L3MBTL4: variants seen among roughly 807,000 people sequenced by gnomAD.
L3MBTL4 encodes L3MBTL histone methyl-lysine binding protein 4, also known as lethal(3)malignant brain tumor-like protein 4.
L3MBTL4 carries 70 observed loss-of-function variants against 84.5 expected under a neutral mutation model. The observed-to-expected ratio is 0.83, with a 90% confidence interval of 0.68 to 1.01. The LOEUF (loss-of-function observed/expected upper bound fraction) is 1.01. Ranked by LOEUF, L3MBTL4 falls within the 50% of genes least tolerant of loss-of-function variation. L3MBTL4 has a pLI of 0.00. For missense variants in L3MBTL4, 715 were observed against 754.8 expected, an observed-to-expected ratio of 0.95 and a Z score of 0.62; for synonymous variants, 274 against 259.8, an observed-to-expected ratio of 1.05 and a Z score of -0.52.
chr18:6,306,606 T>C (rs551822928), intron 3 of L3MBTL4, among the ~76,000 whole-genome samples: 2 of 152,322 alleles, frequency 1.3e-5, no homozygotes, highest in East Asian at 1.9e-4. Flanking sequence ...TCTGCAAAAG[T>C]TGAGTTCAAC....
intron 18 of L3MBTL4, among the ~76,000 whole-genome samples, chr18:5,958,551 C>T (rs927339399): frequency 6.6e-6 from 1 of 152,128 alleles, no homozygotes; most frequent in Non-Finnish European, 1.5e-5. Flanking sequence ...GGGTTTGATC[C>T]TCCTGATAAC....
At chr18:6,169,123 A>T (rs1391151839) in intron 13 of L3MBTL4, among the ~76,000 whole-genome samples, 1 of 152,234 alleles carries the variant, frequency 6.6e-6, no homozygotes, top group Non-Finnish European at 1.5e-5. Flanking sequence ...TCAAAACCAC[A>T]ATGAGATACC....
chr18:5,990,502 A>C (rs2053641332), intron 16 of L3MBTL4, among the ~76,000 whole-genome samples: 1 of 152,184 alleles, frequency 6.6e-6, no homozygotes, highest in African/African-American at 2.4e-5. Context: ...TTCACCTCCA[A>C]ACAAATGGAA....
chr18:6,346,755 A>T (rs78889658), intron 1 of L3MBTL4, among the ~76,000 whole-genome samples: 2,312 of 152,198 alleles, frequency 0.015, 58 homozygotes, highest in African/African-American at 0.053. Context: ...GGAATGTATG[A>T]AAAGCAGCAT....
intron 6 of L3MBTL4, among the ~76,000 whole-genome samples, chr18:6,243,871 A>G (rs997111560): frequency 6.6e-5 from 10 of 152,214 alleles, no homozygotes; most frequent in Non-Finnish European, 1.5e-5. Flanking sequence ...TATCCAGCAC[A>G]CTCAATAAAG....
chr18:6,246,154 T>G (rs979686300), intron 5 of L3MBTL4, among the ~76,000 whole-genome samples: 3 of 152,194 alleles, frequency 2.0e-5, no homozygotes, highest in African/African-American at 7.2e-5. Flanking sequence ...ATCACACAGT[T>G]TTATTTGCTT....
At chr18:6,359,213 A>G (rs2053573129) in intron 1 of L3MBTL4, among the ~76,000 whole-genome samples, 1 of 152,258 alleles carries the variant, frequency 6.6e-6, no homozygotes, top group South Asian at 2.1e-4. Context: ...TAATCTCAGC[A>G]CTTTGGGAAG....
At chr18:6,367,332 A>G (rs1340611217) in intron 1 of L3MBTL4, 3 of 152,192 alleles carry the variant, frequency 2.0e-5, no homozygotes, top group Non-Finnish European at 2.9e-5. Context: ...CTCACTTTAA[A>G]ATAAACTCTT....
intron 16 of L3MBTL4, among the ~76,000 whole-genome samples, chr18:6,021,800 C>T (rs1399476679): frequency 2.0e-5 from 3 of 152,134 alleles, no homozygotes; most frequent in Admixed American, 6.5e-5. Flanking sequence ...GCCTCCCTGC[C>T]AGCTCTTCCT....
At chr18:6,364,434 G>A (rs576067955) in intron 1 of L3MBTL4, among the ~76,000 whole-genome samples, 2 of 151,858 alleles carry the variant, frequency 1.3e-5, no homozygotes, top group South Asian at 2.1e-4. Flanking sequence ...AATATAACAG[G>A]ATCCTGAGAC....
At chr18:6,223,485 G>A (rs1305426463) in intron 10 of L3MBTL4, among the ~76,000 whole-genome samples, 1 of 152,112 alleles carries the variant, frequency 6.6e-6, no homozygotes, top group South Asian at 2.1e-4. Flanking sequence ...ATGATGTAAA[G>A]TAAGTACCTA....
At chr18:6,274,200 C>T (rs114314249) in intron 4 of L3MBTL4, among the ~76,000 whole-genome samples, 1,722 of 152,300 alleles carry the variant, frequency 0.011, 28 homozygotes, top group African/African-American at 0.04. Context: ...ATCAGTGTCA[C>T]CCAGAAAATT....
intron 16 of L3MBTL4, among the ~76,000 whole-genome samples, chr18:6,065,505 T>G (rs1298708796): frequency 6.6e-6 from 1 of 151,974 alleles, no homozygotes; most frequent in Non-Finnish European, 1.5e-5. Flanking sequence ...CGGCAATTTT[T>G]GTATTACTGA....
intron 1 of L3MBTL4, among the ~76,000 whole-genome samples, chr18:6,394,159 T>C (rs189683691): frequency 3.3e-5 from 5 of 152,192 alleles, no homozygotes; most frequent in Non-Finnish European, 7.3e-5. Context: ...TTCCATAACA[T>C]TTAGCACCTT....
rs1309508721 is a variant in L3MBTL4, at chr18:5,954,728, C to G, written c.*1492G>C. On this transcript the variant is annotated 3_prime_UTR_variant, in exon 19 of 19. Coordinates refer to ENST00000317931, the MANE Select transcript of L3MBTL4 (RefSeq NM_001330559.2). Reference sequence around the variant, plus strand: ...TAGTGAGGTATAAATTTTGTTTTCTCTGTTTATTATCATTTAAAATATATT... The same window carrying G: ...TAGTGAGGTATAAATTTTGTTTTCTGTGTTTATTATCATTTAAAATATATT... 1.3e-5 allele frequency: 2 copies of G among 152,124 alleles called. No homozygotes were observed. Among genetic ancestry groups the G allele is most frequent in the African/African-American group, 4.8e-5 (2 of 41,418 alleles). 9.4% of individuals were successfully genotyped at this position (152,124 alleles called of 1,614,324 possible).
At chr18:6,161,196 A>G (rs1443521550) in intron 13 of L3MBTL4, among the ~76,000 whole-genome samples, 1 of 152,234 alleles carries the variant, frequency 6.6e-6, no homozygotes. Context: ...ATGTCAAATA[A>G]AGCAGACAAA....
At chr18:6,078,129 A>T (rs1453217068) in intron 16 of L3MBTL4, among the ~76,000 whole-genome samples, 9 of 149,342 alleles carry the variant, frequency 6.0e-5, no homozygotes, top group African/African-American at 1.7e-4. Context: ...AAAAAAAAAA[A>T]GCTGGCAGGG....
In L3MBTL4 at chr18:5,968,697, T is replaced by TAAATAAAATAAAATA. The variant is rs34548706; in HGVS notation, c.1614+681_1614+695dup. Among the ~76,000 whole-genome samples, 852 of 142,146 alleles carry TAAATAAAATAAAATA rather than the reference T, an allele frequency of 6.0e-3. 7 individuals carry two copies. Among genetic ancestry groups the TAAATAAAATAAAATA allele is most frequent in the Middle Eastern group, 0.042 (12 of 286 alleles). 93.3% of individuals were successfully genotyped at this position (142,146 alleles called of 152,430 possible). A position where few individuals can be genotyped will look rare whatever the true frequency, so the allele number is the denominator to read the frequency against. ...GGGTAACAGAGCAAGACCTTGTCTC[T>TAAATAAAATAAAATA]AAATAAAATAAAATAAAATAAAATA... On this transcript the variant is annotated intron_variant, in intron 17 of 18. Coordinates refer to ENST00000317931, the MANE Select transcript of L3MBTL4 (RefSeq NM_001330559.2).
intron 18 of L3MBTL4, 53 bp downstream of exon 18, chr18:5,960,037 TACAC>T (rs373741127): frequency 9.0e-6 from 2 of 222,920 alleles, no homozygotes; most frequent in African/African-American, 6.3e-5. Flanking sequence ...TATATATATA[TACAC>T]ACACATATAT....
Sources: gnomAD v4.1 joint callset for allele counts (sites outside exome capture counted in the v4.1 genomes callset) on GRCh38, gnomAD v4.1.1 for gene constraint, MANE v1.5 for transcripts, NCBI Gene and HGNC (gene_info 2026-07-23, HGNC 2026-07-21) for gene names.